The following CAPN8 variants were observed in gnomAD, a reference collection of about 807,000 sequenced individuals.
CAPN8 encodes calpain-8.
CAPN8 carries 87 observed loss-of-function variants against 80.9 expected under a neutral mutation model. The ratio of observed to expected loss-of-function variants is 1.07; its 90% confidence interval spans 0.90 to 1.28. The LOEUF (loss-of-function observed/expected upper bound fraction) is 1.28. Among genes scored for constraint, CAPN8 ranks in the 50% most tolerant of loss-of-function variants. The pLI is 0.00. For synonymous variants in CAPN8, 299 were observed against 273.8 expected, an observed-to-expected ratio of 1.09 and a Z score of -0.91; for missense variants, 757 against 702.0, an observed-to-expected ratio of 1.08 and a Z score of -0.89.
At chr1:223,613,726 C>T (rs35611661) in intron 10 of CAPN8, among the ~76,000 whole-genome samples, 97,564 of 152,106 alleles carry the variant, frequency 0.64, 31,581 homozygotes, top group African/African-American at 0.69. Flanking sequence ...TTTGGAGGCA[C>T]CTGGCTGCTT....
At chr1:223,663,418 A>G (rs1005201223) in intron 1 of CAPN8, among the ~76,000 whole-genome samples, 11 of 151,948 alleles carry the variant, frequency 7.2e-5, no homozygotes, top group African/African-American at 2.7e-4. Flanking sequence ...AGTTGTGACA[A>G]CCCAGGTTCC....
chr1:223,612,902 C>A (rs1192519043), intron 10 of CAPN8, among the ~76,000 whole-genome samples: 9 of 152,156 alleles, frequency 5.9e-5, no homozygotes, highest in African/African-American at 2.2e-4. Flanking sequence ...TTGTCCCAAG[C>A]CTTCATCTCC....
rs963157521 is a variant in CAPN8, at chr1:223,665,618, C to A, written c.29G>T (p.Arg10Met). The change falls in exon 1 of 21, where the codon AGG (arginine) becomes ATG (methionine). Residue 10 changes from arginine to methionine, a missense_variant. Arg to Met is a moderately conservative substitution (Grantham distance 91). Transcript: ENST00000366872. MAAQAAGVS[R>M]QRAATQGLGS... Reference sequence around the variant, plus strand: ...AAGACCTTGAGTGGCTGCCCGCTGCCTAGATACACCAGCTGCCTGGGCTGC... The same window carrying A: ...AAGACCTTGAGTGGCTGCCCGCTGCATAGATACACCAGCTGCCTGGGCTGC... 6.4e-7 allele frequency: 1 copy of A among 1,551,592 alleles called. No homozygotes were observed. The highest frequency in any genetic ancestry group is 1.2e-5 in the South Asian group (1 of 84,036).
In CAPN8 at chr1:223,544,849, T is replaced by C; in HGVS notation, c.1835A>G (p.Glu612Gly). 6.4e-7 allele frequency: 1 copy of C among 1,551,554 alleles called. No individual in the cohort carries two copies. Among genetic ancestry groups the C allele is most frequent in the Non-Finnish European group, 8.7e-7 (1 of 1,146,994 alleles). ...GTTATAATCAGTTTCCCAATAGATC[T>C]CCTAAAGCAGGAAAGAAATCCCAAG... is the stretch of plus-strand genomic sequence containing the variant. ...TLWLKIQKYL[E>G]IYWETDYNHS... The change falls in exon 18 of 21, where the codon GAG (glutamate) becomes GGG (glycine). Residue 612 changes from glutamate to glycine, a missense_variant and splice_region_variant. By Grantham distance (98) the Glu-to-Gly change is moderately conservative. Transcript: ENST00000366872.
intron 1 of CAPN8, among the ~76,000 whole-genome samples, chr1:223,658,307 G>A (rs1658552245): frequency 6.6e-6 from 1 of 152,292 alleles, no homozygotes; most frequent in East Asian, 1.9e-4. Flanking sequence ...GGAAGACAGA[G>A]TCATTGGCAA....
rs1048648975 is a variant in CAPN8 at position 223,615,722 on chromosome 1, A to G, written c.1311+248T>C. 48 of 617,928 alleles carry G rather than the reference A, an allele frequency of 7.8e-5. No individual in the cohort carries two copies. In the African/African-American group the frequency reaches 8.5e-4, roughly 11 times the overall value. The allele number at this position is 617,928 out of a possible 1,614,324, so 38.3% of individuals were successfully genotyped here. A position where few individuals can be genotyped will look rare whatever the true frequency, so the allele number is the denominator to read the frequency against. ...TGAACACATGTACACTGAGCCCTCA[A>G]TGACAGGCAAAGGTTAATGTATCAC... On this transcript the variant is annotated intron_variant, in intron 10 of 20. Transcript: ENST00000366872.
At chr1:223,609,116 G>A in intron 12 of CAPN8, 37 bp downstream of exon 12, 1 of 398,202 alleles carries the variant, frequency 2.5e-6, no homozygotes, top group Non-Finnish European at 4.4e-6. Context: ...TGGGCCCACA[G>A]ACAACTGTTC....
chr1:223,638,323 A>G (rs1262168323), intron 2 of CAPN8, among the ~76,000 whole-genome samples: 1 of 151,992 alleles, frequency 6.6e-6, no homozygotes, highest in Non-Finnish European at 1.5e-5. Flanking sequence ...GGATCCTGGA[A>G]CCAGTACCCC....
intron 2 of CAPN8, among the ~76,000 whole-genome samples, chr1:223,651,609 G>A (rs2102733720): frequency 6.6e-6 from 1 of 152,316 alleles, no homozygotes; most frequent in South Asian, 2.1e-4. Flanking sequence ...TGGACGTGCT[G>A]GCAAATAGCC....
At chr1:223,621,301 T>C (rs188774652) in intron 7 of CAPN8, among the ~76,000 whole-genome samples, 40 of 151,528 alleles carry the variant, frequency 2.6e-4, no homozygotes, top group South Asian at 1.5e-3. Flanking sequence ...CTTAGGGATG[T>C]TGCCTTAGAG....
intron 2 of CAPN8, among the ~76,000 whole-genome samples, chr1:223,632,699 G>A (rs1657806858): frequency 6.6e-6 from 1 of 152,194 alleles, no homozygotes; most frequent in Non-Finnish European, 1.5e-5. Context: ...TTCAAAAGCA[G>A]TCAGGAGGCT....
rs1046589477 is a variant in CAPN8, at chr1:223,624,011, A to AG, written c.814-1112_814-1111insC. On this transcript the variant is annotated intron_variant, in intron 6 of 20. Coordinates refer to ENST00000366872, the MANE Select transcript of CAPN8 (RefSeq NM_001143962.2). ...AAGACTCCACCTGAAAAAAAAAAAA[A>AG]AGAAAAAAGAAAAGCATATTTATGA... 2.6e-5 allele frequency among the ~76,000 whole-genome samples: 4 copies of AG among 151,992 alleles called. No homozygotes were observed. The East Asian group carries it at 7.7e-4, about 29-fold the overall frequency.
At chr1:223,549,965 G>C (rs1656739147) in intron 15 of CAPN8, among the ~76,000 whole-genome samples, 1 of 152,200 alleles carries the variant, frequency 6.6e-6, no homozygotes, top group African/African-American at 2.4e-5. Context: ...CAACCAGTAG[G>C]GGGCAAAGCT....
intron 1 of CAPN8, among the ~76,000 whole-genome samples, chr1:223,661,806 A>G (rs775646338): frequency 6.6e-6 from 1 of 152,204 alleles, no homozygotes. Context: ...GCCATGGGTC[A>G]TATCTTTTGG....
chr1:223,610,833 G>A (rs1419326071), intron 11 of CAPN8, among the ~76,000 whole-genome samples: 1 of 152,132 alleles, frequency 6.6e-6, no homozygotes, highest in Non-Finnish European at 1.5e-5. Context: ...TTAACTAAGG[G>A]TGGTTCTCAG....
chr1:223,615,939 A>G (rs1657162677), intron 10 of CAPN8, 31 bp downstream of exon 10: 3 of 1,551,586 alleles, frequency 1.9e-6, no homozygotes, highest in African/African-American at 2.7e-5. Flanking sequence ...CATCAAGTGT[A>G]TAATGAAGGA....
intron 2 of CAPN8, among the ~76,000 whole-genome samples, chr1:223,654,003 G>A (rs991812453): frequency 6.6e-5 from 10 of 152,106 alleles, no homozygotes; most frequent in African/African-American, 1.9e-4. Flanking sequence ...CTACTTAAAG[G>A]TAACTACAAC....
At chr1:223,615,155 C>T (rs997926777) in intron 10 of CAPN8, among the ~76,000 whole-genome samples, 3 of 152,166 alleles carry the variant, frequency 2.0e-5, no homozygotes, top group Non-Finnish European at 4.4e-5. Flanking sequence ...TTAATTTATA[C>T]TGAGATATTG....
Position 223,627,066 on chromosome 1 carries a change from T to C in CAPN8, c.652A>G (p.Lys218Glu), listed in dbSNP as rs1657607663. Residue 218 changes from lysine (K) to glutamate (E), a missense_variant, in exon 5 of 21, where the codon AAG becomes GAG. Coordinates refer to ENST00000366872, the MANE Select transcript of CAPN8 (RefSeq NM_001143962.2). ...TGATATAGATTGGCTGGTGGTTTCT[T>C]CAGGTCATAAAACTCAGAGATGCCA... ...TGGISEFYDL[K>E]KPPANLYQII... The C allele has an allele frequency of 1.9e-6, 3 of 1,551,806 alleles. No individual in the cohort carries two copies. The highest frequency in any genetic ancestry group is 2.6e-6 in the Non-Finnish European group (3 of 1,147,042).
Sources: allele counts gnomAD v4.1 joint callset (sites outside exome capture counted in the v4.1 genomes callset), GRCh38; gene constraint gnomAD v4.1.1; transcripts MANE v1.5; gene names NCBI Gene and HGNC (gene_info 2026-07-23, HGNC 2026-07-21).